The following DIPK1A variants were observed in gnomAD, a reference collection of about 807,000 sequenced individuals.
DIPK1A encodes the protein family with sequence similarity 69 member A.
A neutral mutation model predicts 40.8 loss-of-function variants in DIPK1A; 27 were observed. The ratio of observed to expected loss-of-function variants is 0.66; its 90% CI spans 0.49 to 0.91. The LOEUF (loss-of-function observed/expected upper bound fraction) is 0.91. Ranked by LOEUF, DIPK1A falls within the 40% of genes least tolerant of loss-of-function variation. The pLI, the probability that DIPK1A is intolerant of heterozygous loss-of-function variation, is 0.00. For missense variants in DIPK1A, 412 were observed against 505.7 expected (o/e 0.81, Z 1.78); for synonymous variants, 166 against 171.3 (o/e 0.97, Z 0.24).
At chr1:92,832,746 G>C (rs551672466) in exon 5 of DIPK1A, 1 of 462,916 alleles carries the variant, frequency 2.2e-6, no homozygotes, top group African/African-American at 2.0e-5. Context: ...TAATTATTGG[G>C]GTAGGGCCCC....
intron 1 of DIPK1A, among the ~76,000 whole-genome samples, chr1:92,911,372 G>C (rs1369483816): frequency 3.3e-5 from 5 of 152,142 alleles, no homozygotes; most frequent in Non-Finnish European, 7.4e-5. Context: ...TGAATCTGCA[G>C]GTACCTTGTT....
chr1:92,945,104 A>G (rs186444796), intron 1 of DIPK1A, among the ~76,000 whole-genome samples: 1 of 152,256 alleles, frequency 6.6e-6, no homozygotes, highest in Non-Finnish European at 1.5e-5. Context: ...GTTGTGTAGT[A>G]GGCCTAGAAA....
At chr1:92,959,359 A>T (rs1178506407) in intron 1 of DIPK1A, among the ~76,000 whole-genome samples, 1 of 152,126 alleles carries the variant, frequency 6.6e-6, no homozygotes, top group Non-Finnish European at 1.5e-5. Flanking sequence ...GAAATGAAAT[A>T]AAATACTGAT....
At chr1:92,840,903 A>G (rs907588933), downstream of DIPK1A, 5 of 578,066 alleles carry the variant, frequency 8.6e-6, no homozygotes, top group African/African-American at 7.4e-5. Flanking sequence ...CTTTTTGTTG[A>G]TCTTTCATGT....
At chr1:92,885,975 CT>C (rs1386547842) in intron 1 of DIPK1A, among the ~76,000 whole-genome samples, 2 of 152,032 alleles carry the variant, frequency 1.3e-5, no homozygotes, top group African/African-American at 4.8e-5. Flanking sequence ...TTACTTATCT[CT>C]TTTTCTCATT....
intron 2 of DIPK1A, among the ~76,000 whole-genome samples, chr1:92,864,301 A>G (rs1227657289): frequency 6.6e-6 from 1 of 152,238 alleles, no homozygotes; most frequent in Non-Finnish European, 1.5e-5. Flanking sequence ...TGCTTTAAGC[A>G]ATAAACCATT....
chr1:92,835,076 C>A (rs1413078409), intron 4 of DIPK1A: 1 of 1,014,170 alleles, frequency 9.9e-7, no homozygotes, highest in Non-Finnish European at 1.5e-6. Flanking sequence ...TCAGCTCTTT[C>A]CAATAAAATT....
intron 2 of DIPK1A, among the ~76,000 whole-genome samples, chr1:92,867,302 C>T (rs1647595255): frequency 6.6e-6 from 1 of 151,482 alleles, no homozygotes; most frequent in Non-Finnish European, 1.5e-5. Context: ...GATCCGCCCG[C>T]CTCGGCCTCC....
At chr1:92,893,345 AT>A (rs1269707480) in intron 1 of DIPK1A, among the ~76,000 whole-genome samples, 1 of 151,894 alleles carries the variant, frequency 6.6e-6, no homozygotes, top group Non-Finnish European at 1.5e-5. Flanking sequence ...GGGGGCCAAT[AT>A]TCAACATGCT....
chr1:92,903,960 A>G (rs1649513320), intron 1 of DIPK1A, among the ~76,000 whole-genome samples: 1 of 152,220 alleles, frequency 6.6e-6, no homozygotes, highest in African/African-American at 2.4e-5. Context: ...CAGTTTTTAG[A>G]AGAGCCTAAA....
intron 1 of DIPK1A, among the ~76,000 whole-genome samples, chr1:92,885,951 T>G (rs1313420584): frequency 6.6e-6 from 1 of 152,106 alleles, no homozygotes; most frequent in Non-Finnish European, 1.5e-5. Context: ...AAAGTTGGGG[T>G]CATATGATAC....
At chr1:92,939,082 A>G (rs964311930) in intron 1 of DIPK1A, among the ~76,000 whole-genome samples, 7 of 152,070 alleles carry the variant, frequency 4.6e-5, no homozygotes, top group Non-Finnish European at 8.8e-5. Context: ...TCGTATTTTT[A>G]GCAGAGACGG....
chr1:92,845,285 G>T, intron 4 of DIPK1A, among the ~76,000 whole-genome samples: 1 of 106,722 alleles, frequency 9.4e-6, no homozygotes, highest in African/African-American at 3.3e-5. Flanking sequence ...ATAATTTGCA[G>T]AGTACCGTTT....
chr1:92,836,966 C>A, intron 4 of DIPK1A: 1 of 228,652 alleles, frequency 4.4e-6, no homozygotes. Context: ...GTGATTTAAC[C>A]AAGAAATAGT....
At chr1:92,949,107 T>C (rs1651522410) in intron 1 of DIPK1A, among the ~76,000 whole-genome samples, 1 of 151,810 alleles carries the variant, frequency 6.6e-6, no homozygotes, top group Admixed American at 6.6e-5. Flanking sequence ...TAAAGCAGCA[T>C]ACAAATAAAG....
intron 1 of DIPK1A, among the ~76,000 whole-genome samples, chr1:92,948,867 C>T (rs1003135489): frequency 6.7e-6 from 1 of 150,118 alleles, no homozygotes; most frequent in Non-Finnish European, 1.5e-5. Context: ...TGCAATGGTG[C>T]GATCTTGGCT....
intron 4 of DIPK1A, chr1:92,835,376 G>C (rs1249184320): frequency 1.8e-5 from 4 of 225,382 alleles, no homozygotes; most frequent in Non-Finnish European, 3.6e-5. Flanking sequence ...ATCTTGGCTA[G>C]GCGCGGTGGC....
At chr1:92,834,636 G>A in intron 4 of DIPK1A, 2 of 1,080,504 alleles carry the variant, frequency 1.9e-6, no homozygotes, top group African/African-American at 1.6e-5. Context: ...CTAATTTACT[G>A]GTAACCCAGC....
intron 1 of DIPK1A, among the ~76,000 whole-genome samples, chr1:92,936,569 C>T (rs1466529156): frequency 1.3e-5 from 2 of 150,126 alleles, no homozygotes; most frequent in Non-Finnish European, 3.0e-5. Context: ...GCTGAGGTTG[C>T]GATGGGCCGA....
Sources: allele counts gnomAD v4.1 joint callset (sites outside exome capture counted in the v4.1 genomes callset), GRCh38; gene constraint gnomAD v4.1.1; transcripts MANE v1.5; gene names NCBI Gene and HGNC (gene_info 2026-07-23, HGNC 2026-07-21).